OSMR: variants seen among roughly 807,000 people sequenced by gnomAD.
The protein encoded by OSMR is oncostatin M receptor.
OSMR carries 81 observed loss-of-function variants against 99.9 expected under a neutral mutation model. The ratio of observed to expected loss-of-function variants is 0.81; its 90% CI spans 0.68 to 0.97. The LOEUF (loss-of-function observed/expected upper bound fraction) is 0.97. Among genes scored for constraint, OSMR ranks in the 50% least tolerant of loss-of-function variants. The pLI, the probability that OSMR is intolerant of heterozygous loss-of-function variation, is 0.00. For missense variants in OSMR, 1,099 were observed against 1,153.4 expected (o/e 0.95, Z 0.68); for synonymous variants, 406 against 410.4 (o/e 0.99, Z 0.13).
At chr5:38,889,199 A>G (rs1288756156) in intron 7 of OSMR, among the ~76,000 whole-genome samples, 5 of 152,000 alleles carry the variant, frequency 3.3e-5, no homozygotes, top group Non-Finnish European at 7.4e-5. Context: ...TGTAGTATCA[A>G]ATATTTTTTT....
At chr5:38,898,715 A>AT (rs1200186160) in intron 7 of OSMR, among the ~76,000 whole-genome samples, 1 of 150,080 alleles carries the variant, frequency 6.7e-6, no homozygotes, top group African/African-American at 2.5e-5. Flanking sequence ...AGTGCAGGTG[A>AT]TTTTTCTCTG....
At chr5:38,875,098 C>G (rs1415977895) in intron 2 of OSMR, among the ~76,000 whole-genome samples, 2 of 152,158 alleles carry the variant, frequency 1.3e-5, no homozygotes, top group Admixed American at 1.3e-4. Flanking sequence ...GGGAAATCCC[C>G]CTGAAACTAG....
rs138976095 is a variant in OSMR, at chr5:38,904,404, C to T, written c.1186C>T (p.Pro396Ser). ...NGEYFLSELE[P>S]ATEYMARVRC... is the part of the protein sequence containing the mutation. ...TGAGTACTTCTTAAGTGAACTGGAA[C>T]CTGCCACAGAGTACATGGCGCGAGT... is the stretch of plus-strand genomic sequence containing the variant. The change falls in exon 9 of 18, where the codon CCT (proline) becomes TCT (serine). Residue 396 changes from proline (P) to serine (S), a missense_variant. Physicochemically the swap from Pro to Ser is moderately conservative, Grantham distance 74. Transcript: ENST00000274276. The T allele has an allele frequency of 6.2e-7, 1 of 1,613,994 alleles. No individual in the cohort carries two copies. The highest frequency in any genetic ancestry group is 1.3e-5 in the African/African-American group (1 of 74,888).
At chr5:38,851,535 C>A (rs1740354004) in intron 1 of OSMR, among the ~76,000 whole-genome samples, 1 of 152,098 alleles carries the variant, frequency 6.6e-6, no homozygotes, top group African/African-American at 2.4e-5. Context: ...CCAGCTGCAG[C>A]CATTGGGTGG....
At chr5:38,905,692 C>G (rs1038245297) in intron 9 of OSMR, among the ~76,000 whole-genome samples, 2 of 152,146 alleles carry the variant, frequency 1.3e-5, no homozygotes, top group Admixed American at 6.5e-5. Flanking sequence ...GACTCACGTC[C>G]AGGCAGCCTG....
chr5:38,919,495 C>T, intron 11 of OSMR: 1 of 470,984 alleles, frequency 2.1e-6, no homozygotes, highest in Non-Finnish European at 3.4e-6. Flanking sequence ...ATCATCAGAA[C>T]TGGCATCAAC....
chr5:38,898,236 G>A (rs540448654), intron 7 of OSMR, among the ~76,000 whole-genome samples: 6 of 152,072 alleles, frequency 3.9e-5, no homozygotes, highest in Admixed American at 1.3e-4. Context: ...AGGGTCCATC[G>A]TTCTCTGTAG....
chr5:38,928,297 A>G (rs1229556916), intron 15 of OSMR, among the ~76,000 whole-genome samples: 2 of 152,114 alleles, frequency 1.3e-5, no homozygotes, highest in African/African-American at 4.8e-5. Flanking sequence ...GTATCCTTAT[A>G]AGCAGCACCC....
At chr5:38,921,932 G>T (rs1019440636) in intron 12 of OSMR, 138 bp downstream of exon 12, 37 of 714,108 alleles carry the variant, frequency 5.2e-5, no homozygotes, top group Non-Finnish European at 8.1e-5. Context: ...TGGGTGTTAG[G>T]AGTTCAGATG....
In OSMR at chr5:38,933,414, C is replaced by T; in HGVS notation, c.2910C>T (p.Thr970=). The T allele has an allele frequency of 6.2e-7, 1 of 1,614,108 alleles. No homozygotes were observed. The highest frequency in any genetic ancestry group is 8.5e-7 in the Non-Finnish European group (1 of 1,179,958). Residue 970 remains threonine, a synonymous_variant, in exon 18 of 18, where the codon ACC becomes ACT. Coordinates refer to ENST00000274276, the MANE Select transcript of OSMR (RefSeq NM_003999.3). ...PTENSSLSSI[T]LLDPGEHYC is the part of the protein sequence containing the mutation. ...AGAATAGCAGCCTCTCCTCAATTAC[C>T]CTTTTAGATCCAGGTGAACACTACT... is the stretch of plus-strand genomic sequence containing the variant.
intron 16 of OSMR, 62 bp from the exon 17 acceptor site, chr5:38,932,401 T>C (rs747640576): frequency 5.8e-5 from 69 of 1,189,456 alleles, no homozygotes; most frequent in Non-Finnish European, 8.4e-5. Context: ...ACTCCAGAGT[T>C]CTTGCTCTTA....
intron 2 of OSMR, among the ~76,000 whole-genome samples, chr5:38,871,060 C>T (rs139068050): frequency 1.7e-3 from 258 of 152,262 alleles, no homozygotes; most frequent in African/African-American, 4.3e-3. Flanking sequence ...AAGTGGGGAA[C>T]AGAGGGAATT....
chr5:38,892,378 C>T (rs1744218662), intron 7 of OSMR, among the ~76,000 whole-genome samples: 1 of 152,102 alleles, frequency 6.6e-6, no homozygotes, highest in Non-Finnish European at 1.5e-5. Flanking sequence ...TGGTGGCCAG[C>T]CTGCCCCACC....
intron 15 of OSMR, among the ~76,000 whole-genome samples, chr5:38,926,534 G>A (rs886195673): frequency 1.3e-5 from 2 of 152,138 alleles, no homozygotes; most frequent in Non-Finnish European, 2.9e-5. Flanking sequence ...GAGCAAAGGG[G>A]AAAAGCCACT....
intron 11 of OSMR, chr5:38,919,266 C>G: frequency 1.3e-6 from 2 of 1,511,882 alleles, no homozygotes; most frequent in Non-Finnish European, 1.8e-6. Context: ...AGACTTCAGC[C>G]ATGGCTCAGG....
At chr5:38,936,618 G>GACTT (rs530210533), downstream of OSMR, among the ~76,000 whole-genome samples, 3 of 152,308 alleles carry the variant, frequency 2.0e-5, no homozygotes, top group Admixed American at 6.5e-5. Flanking sequence ...AGAACGTCAA[G>GACTT]ACTTACTTAA....
chr5:38,901,292 G>A (rs2112522367), intron 7 of OSMR, among the ~76,000 whole-genome samples: 1 of 152,310 alleles, frequency 6.6e-6, no homozygotes, highest in Middle Eastern at 3.4e-3. Context: ...CCCATAGGAG[G>A]AGCCAAAACA....
chr5:38,860,200 G>A (rs1741173966), intron 1 of OSMR, among the ~76,000 whole-genome samples: 1 of 152,078 alleles, frequency 6.6e-6, no homozygotes, highest in Non-Finnish European at 1.5e-5. Flanking sequence ...GTTAGCTGTG[G>A]GTCTGTCATA....
chr5:38,882,279 AT>A (rs1280388486), intron 4 of OSMR, among the ~76,000 whole-genome samples: 1 of 152,164 alleles, frequency 6.6e-6, no homozygotes, highest in Non-Finnish European at 1.5e-5. Flanking sequence ...ATAGAAATTT[AT>A]TTACAGAAAC....
Sources: gnomAD v4.1 joint callset for allele counts (sites outside exome capture counted in the v4.1 genomes callset) on GRCh38, gnomAD v4.1.1 for gene constraint, MANE v1.5 for transcripts, NCBI Gene and HGNC (gene_info 2026-07-23, HGNC 2026-07-21) for gene names.